Variants in FSTL4 observed in about 807,000 individuals in gnomAD.
The protein encoded by FSTL4 is follistatin like 4, also known as follistatin-related protein 4.
In FSTL4, 28 loss-of-function variants were observed where a neutral mutation model predicts 78.2. The observed-to-expected ratio is 0.36, with a 90% CI of 0.27 to 0.49. The LOEUF is 0.49. FSTL4 is among the 20% of genes least tolerant of loss of function. The pLI is 0.98. For synonymous variants in FSTL4, 422 were observed against 440.5 expected (o/e 0.96, Z 0.53); for missense variants, 922 against 1,084.9 (o/e 0.85, Z 2.11).
intron 3 of FSTL4, among the ~76,000 whole-genome samples, chr5:133,506,584 G>T (rs755643276): frequency 6.6e-6 from 1 of 152,162 alleles, no homozygotes; most frequent in Non-Finnish European, 1.5e-5. Flanking sequence ...TCATATAACC[G>T]CTACACAGTC....
chr5:133,281,827 G>A (rs777521801), intron 6 of FSTL4, among the ~76,000 whole-genome samples: 1 of 152,110 alleles, frequency 6.6e-6, no homozygotes, highest in Admixed American at 6.5e-5. Flanking sequence ...AAAGGAGCAG[G>A]TCATGGGGTT....
intron 6 of FSTL4, among the ~76,000 whole-genome samples, chr5:133,252,981 A>G (rs1299464871): frequency 6.6e-6 from 1 of 152,256 alleles, no homozygotes; most frequent in Admixed American, 6.5e-5. Context: ...GAATACTGAT[A>G]GAACCATCGT....
chr5:133,317,166 T>C (rs1243393949), intron 4 of FSTL4, among the ~76,000 whole-genome samples: 1 of 151,972 alleles, frequency 6.6e-6, no homozygotes, highest in African/African-American at 2.4e-5. Flanking sequence ...CTGGATTACT[T>C]CAAAACAAAC....
At chr5:133,355,102 G>A (rs147797901) in intron 4 of FSTL4, among the ~76,000 whole-genome samples, 31 of 152,184 alleles carry the variant, frequency 2.0e-4, no homozygotes, top group African/African-American at 2.7e-4. Context: ...TAAAAGAGGC[G>A]TAGCATCCTG....
intron 6 of FSTL4, among the ~76,000 whole-genome samples, chr5:133,277,376 T>C (rs144608393): frequency 3.4e-3 from 510 of 151,310 alleles, no homozygotes; most frequent in Middle Eastern, 0.014. Context: ...GGTATGGGGA[T>C]TGGGTGCAGG....
the FSTL4 span, among the ~76,000 whole-genome samples, chr5:133,623,915 C>G: frequency 6.6e-6 from 1 of 151,862 alleles, no homozygotes; most frequent in African/African-American, 2.4e-5. Flanking sequence ...TCATACCCAC[C>G]ACAAGGAAGG....
the FSTL4 span, among the ~76,000 whole-genome samples, chr5:133,695,606 C>T: frequency 2.6e-5 from 4 of 152,166 alleles, no homozygotes; most frequent in Non-Finnish European, 4.4e-5. Flanking sequence ...GGAAGATGCC[C>T]GGGATGCCAC....
chr5:133,699,117 C>T, the FSTL4 span, among the ~76,000 whole-genome samples: 3 of 152,088 alleles, frequency 2.0e-5, no homozygotes, highest in Non-Finnish European at 4.4e-5. Flanking sequence ...TCTCACCAGC[C>T]CCTCCTTTCT....
chr5:133,800,962 C>A, the FSTL4 span, among the ~76,000 whole-genome samples: 1 of 152,102 alleles, frequency 6.6e-6, no homozygotes, highest in African/African-American at 2.4e-5. Flanking sequence ...AGGTGGGGAG[C>A]AGCCTTCATC....
intron 3 of FSTL4, among the ~76,000 whole-genome samples, chr5:133,546,913 A>G (rs966102721): frequency 3.3e-5 from 5 of 152,186 alleles, no homozygotes; most frequent in Non-Finnish European, 5.9e-5. Flanking sequence ...TGAAGAATAC[A>G]AGAGATATGG....
At chr5:133,546,443 T>C (rs970059582) in intron 3 of FSTL4, among the ~76,000 whole-genome samples, 4 of 143,862 alleles carry the variant, frequency 2.8e-5, no homozygotes, top group African/African-American at 1.1e-4. Context: ...GAGACGGAGG[T>C]TGCAGTGAGC....
chr5:133,226,036 C>A, intron 8 of FSTL4: 2 of 386,496 alleles, frequency 5.2e-6, no homozygotes, highest in African/African-American at 2.1e-5. Context: ...AGACTTTGTA[C>A]CCTATGACTC....
intron 3 of FSTL4, among the ~76,000 whole-genome samples, chr5:133,535,022 A>T (rs1759324134): frequency 6.6e-6 from 1 of 152,222 alleles, no homozygotes; most frequent in Admixed American, 6.5e-5. Context: ...ACTTTCAAGA[A>T]GGTAATTAAG....
chr5:133,395,778 A>G (rs945735489), intron 4 of FSTL4, among the ~76,000 whole-genome samples: 2 of 152,176 alleles, frequency 1.3e-5, no homozygotes, highest in African/African-American at 2.4e-5. Context: ...TTGCTCTTCA[A>G]AATCCACCTT....
chr5:133,760,674 G>A, the FSTL4 span, among the ~76,000 whole-genome samples: 2 of 152,166 alleles, frequency 1.3e-5, no homozygotes, highest in Non-Finnish European at 2.9e-5. Flanking sequence ...ACTTCTGCTT[G>A]CAGCCTGGCC....
chr5:133,395,702 T>C lies in FSTL4; in HGVS notation c.409+5036A>G, dbSNP rs1006959930. ...ATAATCACTTGCTCTTCCCGGAGAC[T>C]GGAGGTACTTCATGCCTGTACTCCT... On this transcript the variant is annotated intron_variant, in intron 4 of 15. Transcript: ENST00000265342. Among the ~76,000 whole-genome samples the C allele has an allele frequency of 4.0e-5, 6 of 151,596 alleles. 1 individual carries two copies. The highest frequency in any genetic ancestry group is 2.6e-4 in the Admixed American group (4 of 15,298).
intron 4 of FSTL4, among the ~76,000 whole-genome samples, chr5:133,394,339 C>A (rs1221245246): frequency 2.6e-5 from 4 of 152,344 alleles, no homozygotes; most frequent in African/African-American, 7.2e-5. Context: ...CCTCTGCTTG[C>A]GGGGAGGTGT....
At chr5:133,673,902 T>A in the FSTL4 span, among the ~76,000 whole-genome samples, 1 of 152,324 alleles carries the variant, frequency 6.6e-6, no homozygotes, top group Middle Eastern at 3.4e-3. Context: ...AGTGCCAGAA[T>A]TAACTTCTCT....
At chr5:133,673,547 T>TC in the FSTL4 span, among the ~76,000 whole-genome samples, 1 of 152,232 alleles carries the variant, frequency 6.6e-6, no homozygotes, top group African/African-American at 2.4e-5. Flanking sequence ...CCAGCTCAGA[T>TC]CCCTAATTTG....
Sources: gnomAD v4.1 joint callset for allele counts (sites outside exome capture counted in the v4.1 genomes callset) on GRCh38, gnomAD v4.1.1 for gene constraint, MANE v1.5 for transcripts, NCBI Gene and HGNC (gene_info 2026-07-23, HGNC 2026-07-21) for gene names.